Variants in DDHD1 observed in about 807,000 individuals in gnomAD.
DDHD1 encodes DDHD domain containing 1.
In DDHD1, 49 loss-of-function variants were observed where a neutral mutation model predicts 96.4. The observed-to-expected ratio is 0.51, with a 90% CI of 0.40 to 0.64. The LOEUF is 0.64. DDHD1 is among the 30% of genes least tolerant of loss of function. The pLI is 0.00. For synonymous variants in DDHD1, 442 were observed against 446.5 expected (o/e 0.99, Z 0.13); for missense variants, 1,106 against 1,161.2 (o/e 0.95, Z 0.69).
At position 53,142,395 on chromosome 14, in the gene DDHD1, T is replaced by C. The variant is rs142388498; in HGVS notation, c.838+9866A>G. Among the ~76,000 whole-genome samples, 179 of 151,352 alleles carry C rather than the reference T, an allele frequency of 1.2e-3. 1 individual carries two copies. Among genetic ancestry groups the C allele is most frequent in the African/African-American group, 4.2e-3 (173 of 41,072 alleles). On this transcript the variant is annotated intron_variant, in intron 1 of 12. Coordinates refer to ENST00000673822, the MANE Select transcript of DDHD1 (RefSeq NM_001160148.2). ...CAGATCAATTAAGAGGATTCTCTCA[T>C]AGTTTTCATGCTAAGGTCTCCATCA...
At chr14:53,136,196 C>T (rs1890231886) in intron 1 of DDHD1, among the ~76,000 whole-genome samples, 1 of 152,196 alleles carries the variant, frequency 6.6e-6, no homozygotes, top group Non-Finnish European at 1.5e-5. Flanking sequence ...CCTGTAAGAA[C>T]TAATGATAAT....
intron 4 of DDHD1, among the ~76,000 whole-genome samples, chr14:53,075,012 A>G (rs1269974150): frequency 1.3e-5 from 2 of 152,146 alleles, no homozygotes; most frequent in African/African-American, 4.8e-5. Flanking sequence ...TGTTCCACTG[A>G]CTGGCTATTC....
chr14:53,139,729 G>T (rs183747343), intron 1 of DDHD1, among the ~76,000 whole-genome samples: 2 of 151,550 alleles, frequency 1.3e-5, no homozygotes, highest in Admixed American at 1.3e-4. Context: ...AAAACAAGGC[G>T]TGCCTATTTC....
At chr14:53,060,304 G>A (rs1883439638) in intron 8 of DDHD1, among the ~76,000 whole-genome samples, 1 of 152,198 alleles carries the variant, frequency 6.6e-6, no homozygotes, top group Admixed American at 6.5e-5. Flanking sequence ...TGACACCTCT[G>A]CCACATTTTC....
chr14:53,139,881 A>G (rs1890525171), intron 1 of DDHD1, among the ~76,000 whole-genome samples: 1 of 151,874 alleles, frequency 6.6e-6, no homozygotes, highest in African/African-American at 2.4e-5. Flanking sequence ...CCAAACCAGA[A>G]ATGCCCACAG....
Position 53,051,887 on chromosome 14 carries a change from A to G in DDHD1, c.2478T>C (p.Leu826=). The G allele has an allele frequency of 6.3e-7, 1 of 1,599,438 alleles. No homozygotes were observed. Among genetic ancestry groups the G allele is most frequent in the Non-Finnish European group, 8.5e-7 (1 of 1,172,314 alleles). The change falls in exon 12 of 13, where the codon CTT becomes CTC. Residue 826 remains leucine (L), a synonymous_variant. Transcript: ENST00000673822. ...LQESFFNLPQ[L]LFPENVMQNK... is the part of the protein sequence containing the mutation. ...TCTGCATTACATTTTCCGGAAAAAG[A>G]AGTTGTGGGAGATTAAAGAACGATT...
intron 1 of DDHD1, among the ~76,000 whole-genome samples, chr14:53,131,983 T>G (rs1040955018): frequency 6.6e-6 from 1 of 152,156 alleles, no homozygotes; most frequent in Non-Finnish European, 1.5e-5. Flanking sequence ...AAGAACTCCT[T>G]TCCTTCCTAG....
At chr14:53,077,334 G>A (rs1885058257) in intron 4 of DDHD1, among the ~76,000 whole-genome samples, 1 of 152,170 alleles carries the variant, frequency 6.6e-6, no homozygotes, top group African/African-American at 2.4e-5. Context: ...CTCTTCATTT[G>A]TTTATAGGCT....
intron 1 of DDHD1, among the ~76,000 whole-genome samples, chr14:53,126,612 T>A (rs574430153): frequency 6.6e-6 from 1 of 152,094 alleles, no homozygotes; most frequent in South Asian, 2.1e-4. Flanking sequence ...AAGCAATCCA[T>A]CCACCTTGGC....
At chr14:53,148,462 G>A (rs1033710603) in intron 1 of DDHD1, among the ~76,000 whole-genome samples, 6 of 152,078 alleles carry the variant, frequency 3.9e-5, no homozygotes, top group South Asian at 4.2e-4. Context: ...ACAGACACTC[G>A]CCACCACGCC....
chr14:53,093,226 TA>T, intron 3 of DDHD1, 89 bp downstream of exon 3: 2 of 1,373,434 alleles, frequency 1.5e-6, no homozygotes, highest in Non-Finnish European at 9.7e-7. Context: ...TAAAACATAC[TA>T]AAAACAGAAT....
intron 2 of DDHD1, chr14:53,103,158 A>G (rs930068429): frequency 1.2e-4 from 141 of 1,130,308 alleles, no homozygotes; most frequent in Admixed American, 2.7e-4. Flanking sequence ...GCTACTATAC[A>G]GTATTTTGAA....
At chr14:53,125,926 C>T (rs1889391475) in intron 1 of DDHD1, among the ~76,000 whole-genome samples, 1 of 152,208 alleles carries the variant, frequency 6.6e-6, no homozygotes, top group African/African-American at 2.4e-5. Context: ...TGGTCTCGAA[C>T]TCCTGACCTC....
At chr14:53,121,544 A>G (rs1327874150) in intron 1 of DDHD1, among the ~76,000 whole-genome samples, 12 of 152,246 alleles carry the variant, frequency 7.9e-5, no homozygotes, top group Non-Finnish European at 1.6e-4. Context: ...ATGCTCATCA[A>G]TGATAGACTG....
At chr14:53,069,799 G>C (rs1566535828) in intron 6 of DDHD1, among the ~76,000 whole-genome samples, 2 of 152,082 alleles carry the variant, frequency 1.3e-5, no homozygotes, top group Non-Finnish European at 2.9e-5. Context: ...TTTTTAATGA[G>C]TATGAAATGA....
chr14:53,079,493 G>A (rs1885265735), intron 4 of DDHD1, among the ~76,000 whole-genome samples: 1 of 152,020 alleles, frequency 6.6e-6, no homozygotes, highest in South Asian at 2.1e-4. Context: ...AAACAGTTTT[G>A]GTAGTTTGCT....
chr14:53,147,456 T>C (rs1891077327), intron 1 of DDHD1, among the ~76,000 whole-genome samples: 1 of 152,194 alleles, frequency 6.6e-6, no homozygotes, highest in South Asian at 2.1e-4. Context: ...ATTTTGGCCA[T>C]ACGTAAGGTG....
chr14:53,141,249 G>A (rs1307175827), intron 1 of DDHD1, among the ~76,000 whole-genome samples: 1 of 152,172 alleles, frequency 6.6e-6, no homozygotes, highest in Admixed American at 6.6e-5. Flanking sequence ...CTACCAATTT[G>A]CCAGAAGAAG....
intron 1 of DDHD1, among the ~76,000 whole-genome samples, chr14:53,131,234 G>C (rs1423471367): frequency 6.6e-6 from 1 of 152,044 alleles, no homozygotes; most frequent in Non-Finnish European, 1.5e-5. Flanking sequence ...CTTTTCCCCA[G>C]TTCAAAGCCT....
Sources: gnomAD v4.1 joint callset for allele counts (sites outside exome capture counted in the v4.1 genomes callset) on GRCh38, gnomAD v4.1.1 for gene constraint, MANE v1.5 for transcripts, NCBI Gene and HGNC (gene_info 2026-07-23, HGNC 2026-07-21) for gene names.